SIN3A: variants seen among roughly 807,000 people sequenced by gnomAD.
SIN3A encodes the protein paired amphipathic helix protein Sin3a.
A neutral mutation model predicts 146.1 loss-of-function variants in SIN3A; 14 were observed. That is an observed-to-expected ratio of 0.10 (90% CI 0.06 to 0.15). The LOEUF (loss-of-function observed/expected upper bound fraction) is 0.15, where lower values mean the gene tolerates loss of function less well. SIN3A is among the 10% of genes least tolerant of loss of function. The probability of loss-of-function intolerance (pLI) is 1.00; values close to 1 mark genes in which losing one functional copy is unlikely to be tolerated. For missense variants in SIN3A, 1,028 were observed against 1,576.0 expected (o/e 0.65, Z 5.89); for synonymous variants, 572 against 572.0 (o/e 1.00, Z 0.00).
chr15:75,439,414 C>G (rs1182228273), intron 1 of SIN3A, among the ~76,000 whole-genome samples: 2 of 151,782 alleles, frequency 1.3e-5, no homozygotes, highest in Non-Finnish European at 2.9e-5. Context: ...GATCTTGGCT[C>G]ACTGCAAGCT....
rs1366197755 is a variant in SIN3A, at chr15:75,385,013, AAAATACAC to A, written c.3022-584_3022-577del. 3.9e-5 allele frequency among the ~76,000 whole-genome samples: 6 copies of A among 152,240 alleles called. 1 individual carries two copies. Among genetic ancestry groups the A allele is most frequent in the Admixed American group, 6.5e-5 (1 of 15,298 alleles). Reference sequence around the variant, plus strand: ...ACATGGCGAAACCCCATCTCTACTAAAAATACACAAATAGCCGGGCGTGGTGGCAGGAG... The same window carrying A: ...ACATGGCGAAACCCCATCTCTACTAAAAATAGCCGGGCGTGGTGGCAGGAG... On this transcript the variant is annotated intron_variant, in intron 16 of 20. Transcript: ENST00000394947.
In SIN3A at chr15:75,411,681, T is replaced by C. The variant is rs756116982; in HGVS notation, c.819A>G (p.Ala273=). 8 of 1,613,836 alleles carry C rather than the reference T, an allele frequency of 5.0e-6. No individual in the cohort carries two copies. In the Admixed American group the frequency reaches 1.2e-4, roughly 24 times the overall value. The change falls in exon 6 of 21, where the codon GCA becomes GCG. Residue 273 remains alanine (A), a synonymous_variant. Coordinates refer to ENST00000394947, the MANE Select transcript of SIN3A (RefSeq NM_001145358.2). ...SQQTPPLPPY[A]SPRSPPVQPH... ...GCTGGACCGGCGGAGAACGTGGGGA[T>C]GCATACGGTGGAAGTGGGGGAGTCT...
intron 2 of SIN3A, among the ~76,000 whole-genome samples, chr15:75,425,558 C>T (rs958082497): frequency 6.6e-6 from 1 of 152,186 alleles, no homozygotes; most frequent in Non-Finnish European, 1.5e-5. Context: ...ATGGTTTGGC[C>T]TCAAACAAAT....
At chr15:75,384,133 T>C in intron 17 of SIN3A, 131 bp downstream of exon 17, 2 of 592,164 alleles carry the variant, frequency 3.4e-6, no homozygotes, top group Non-Finnish European at 2.9e-6. Flanking sequence ...TGTAGTTCTC[T>C]GGTGAACTCA....
At position 75,406,966 on chromosome 15, in the gene SIN3A, C is replaced by T. The variant is rs1284335020; in HGVS notation, c.1407+89G>A. On this transcript the variant is annotated intron_variant, in intron 9 of 20. Transcript: ENST00000394947. Reference sequence around the variant, plus strand: ...AAACAGAAAGTCCTAATTAGCCTGACACCTTTAAAACGAAACCTTCCAGGG... The same window carrying T: ...AAACAGAAAGTCCTAATTAGCCTGATACCTTTAAAACGAAACCTTCCAGGG... 4.6e-6 allele frequency: 4 copies of T among 862,094 alleles called. No homozygotes were observed. The Admixed American group carries it at 7.4e-5, about 16-fold the overall frequency. 53.4% of individuals were successfully genotyped at this position (862,094 alleles called of 1,614,324 possible). A position where few individuals can be genotyped will look rare whatever the true frequency, so the allele number is the denominator to read the frequency against.
rs765992678 is a variant in SIN3A at position 75,430,300 on chromosome 15, C to T, written c.76G>A (p.Ala26Thr). Reference sequence around the variant, plus strand: ...AGCACCCGGTGCTGGTGAGGAAAAGCCTCTGTGCTGCCAGGGATCCGACGC... The same window carrying T: ...AGCACCCGGTGCTGGTGAGGAAAAGTCTCTGTGCTGCCAGGGATCCGACGC... Reference protein sequence around the residue: ...QQRRIPGSTEAFPHQHRVLAP... With the variant: ...QQRRIPGSTETFPHQHRVLAP... Residue 26 changes from alanine to threonine, a missense_variant, in exon 2 of 21, where the codon GCT (alanine) becomes ACT (threonine). By Grantham distance (58) the Ala-to-Thr change is moderately conservative. Transcript: ENST00000394947. 1 of 1,614,134 alleles carries T rather than the reference C, an allele frequency of 6.2e-7. No individual in the cohort carries two copies. The highest frequency in any genetic ancestry group is 2.2e-5 in the East Asian group (1 of 44,888).
At chr15:75,387,561 T>TGA (rs1187583201) in intron 16 of SIN3A, among the ~76,000 whole-genome samples, 4 of 113,110 alleles carry the variant, frequency 3.5e-5, no homozygotes, top group African/African-American at 1.3e-4. Context: ...CTGTTTCCAT[T>TGA]AAAAAAAAAA....
At chr15:75,438,153 G>C (rs1218293233) in intron 1 of SIN3A, among the ~76,000 whole-genome samples, 1 of 152,146 alleles carries the variant, frequency 6.6e-6, no homozygotes, top group Non-Finnish European at 1.5e-5. Context: ...TTGAGGTCAG[G>C]AGTTCAAAAC....
At chr15:75,374,490 G>A (rs992810358) in intron 20 of SIN3A, among the ~76,000 whole-genome samples, 1 of 152,238 alleles carries the variant, frequency 6.6e-6, no homozygotes, top group South Asian at 2.1e-4. Flanking sequence ...ACCCTTTTGA[G>A]TGGTCTCTGC....
rs183178255 is a variant in SIN3A, at chr15:75,413,602, A to G, written c.474-557T>C. 7.4e-5 allele frequency among the ~76,000 whole-genome samples: 11 copies of G among 148,602 alleles called. No individual in the cohort carries two copies. The East Asian group carries it at 2.2e-3, about 30-fold the overall frequency. ...TCTGTTGCCCAGGCTGGAGTGCAGT[A>G]GCACAATCTCGGCACACTGCAGCCT... is the stretch of plus-strand genomic sequence containing the variant. On this transcript the variant is annotated intron_variant, in intron 4 of 20. Coordinates refer to ENST00000394947, the MANE Select transcript of SIN3A (RefSeq NM_001145358.2).
At position 75,376,694 on chromosome 15, in the gene SIN3A, C is replaced by CCA. The variant is rs1170468671; in HGVS notation, c.3384-823_3384-822insTG. ...CAACATGGCAAAAACCCCTTCTCTA[C>CCA]AAAAAAAAAAAAAAAATTAGGCAGG... On this transcript the variant is annotated intron_variant, in intron 19 of 20. Coordinates refer to ENST00000394947, the MANE Select transcript of SIN3A (RefSeq NM_001145358.2). Among the ~76,000 whole-genome samples, 27 of 141,862 alleles carry CCA rather than the reference C, an allele frequency of 1.9e-4. 2 individuals carry two copies. The South Asian group carries it at 5.4e-3, about 29-fold the overall frequency. The allele number at this position is 141,862 out of a possible 152,430, so 93.1% of individuals were successfully genotyped here.
chr15:75,378,985 C>T (rs2072916146), intron 19 of SIN3A, among the ~76,000 whole-genome samples: 2 of 151,934 alleles, frequency 1.3e-5, no homozygotes. Context: ...ACTGCAACCT[C>T]CGCCTTCCGG....
At position 75,369,527 on chromosome 15, in the gene SIN3A, C is replaced by A. The variant is rs913664276; in HGVS notation, c.*2452G>T. On this transcript the variant is annotated 3_prime_UTR_variant, in exon 21 of 21. Transcript: ENST00000394947. The stretch of plus-strand genomic sequence containing the variant: ...CATATAATACAGGTTGGGTTTAGAG[C>A]TTGGAGCTCAGATGTCAGACAGCAG... 1.3e-5 allele frequency: 2 copies of A among 152,212 alleles called. No homozygotes were observed. Among genetic ancestry groups the A allele is most frequent in the Non-Finnish European group, 2.9e-5 (2 of 68,040 alleles). The allele number at this position is 152,212 out of a possible 1,614,324, so 9.4% of individuals were successfully genotyped here. A position where few individuals can be genotyped will look rare whatever the true frequency, so the allele number is the denominator to read the frequency against.
At chr15:75,376,986 CTG>C (rs2072875477) in intron 19 of SIN3A, among the ~76,000 whole-genome samples, 3 of 151,874 alleles carry the variant, frequency 2.0e-5, no homozygotes, top group African/African-American at 7.3e-5. Context: ...TTCAGGAGAT[CTG>C]TGAGATCAAA....
chr15:75,405,938 A>C (rs1168726371), intron 9 of SIN3A, among the ~76,000 whole-genome samples: 1 of 152,150 alleles, frequency 6.6e-6, no homozygotes, highest in African/African-American at 2.4e-5. Context: ...CCGCCCAAGC[A>C]GACTTTGGTA....
rs1278257707 is a variant in SIN3A, at chr15:75,370,358, A to G, written c.*1621T>C. 3 of 152,200 alleles carry G rather than the reference A, an allele frequency of 2.0e-5. No homozygotes were observed. Among genetic ancestry groups the G allele is most frequent in the African/African-American group, 7.2e-5 (3 of 41,448 alleles). The allele number at this position is 152,200 out of a possible 1,614,324, so 9.4% of individuals were successfully genotyped here. ...TTTTTAACTAAAAAGCAAACATAAA[A>G]CACACAGAACATTGCTGGTTACAAC... is the stretch of plus-strand genomic sequence containing the variant. On this transcript the variant is annotated 3_prime_UTR_variant, in exon 21 of 21. Transcript: ENST00000394947.
chr15:75,442,266 AAT>A (rs1028969950), intron 1 of SIN3A, among the ~76,000 whole-genome samples: 63 of 151,762 alleles, frequency 4.2e-4, no homozygotes, highest in African/African-American at 1.4e-3. Flanking sequence ...TTGGTGTACA[AAT>A]ATCTTGAAAG....
intron 16 of SIN3A, 111 bp from the exon 17 acceptor site, chr15:75,384,548 T>TG (rs1555442445): frequency 1.5e-3 from 19 of 12,474 alleles, no homozygotes; most frequent in African/African-American, 5.9e-3. Context: ...TTTCTTTTTT[T>TG]GGGGGGGTGG....
chr15:75,392,186 G>A lies in SIN3A; in HGVS notation c.2851+56C>T, dbSNP rs77722041. ...AAAGAAGCAGTCCCAAGTCTAGGTG[G>A]CTCTAAGGTCCTCAACCTCACACAT... On this transcript the variant is annotated intron_variant, in intron 15 of 20. Transcript: ENST00000394947. 1.5e-3 allele frequency: 2,265 copies of A among 1,490,168 alleles called. 23 individuals are homozygous for A. The African/African-American group carries it at 0.028, about 18-fold the overall frequency. The allele number at this position is 1,490,168 out of a possible 1,614,324, so 92.3% of individuals were successfully genotyped here.
Sources: allele counts gnomAD v4.1 joint callset (sites outside exome capture counted in the v4.1 genomes callset), GRCh38; gene constraint gnomAD v4.1.1; transcripts MANE v1.5; gene names NCBI Gene and HGNC (gene_info 2026-07-23, HGNC 2026-07-21).